The following VIRMA variants were observed in gnomAD, a reference collection of about 807,000 sequenced individuals.
VIRMA encodes the protein protein virilizer homolog.
Under a neutral mutation model 182.4 loss-of-function variants are expected in VIRMA, and 65 were observed. The ratio of observed to expected loss-of-function variants is 0.36; its 90% CI spans 0.29 to 0.44. VIRMA has a LOEUF of 0.44. VIRMA is among the 20% of genes least tolerant of loss of function. The pLI is 1.00. For synonymous variants in VIRMA, 709 were observed against 743.1 expected, an observed-to-expected ratio of 0.95 and a Z score of 0.75; for missense variants, 1,752 against 2,158.1, an observed-to-expected ratio of 0.81 and a Z score of 3.73.
intron 16 of VIRMA, among the ~76,000 whole-genome samples, chr8:94,502,399 C>T (rs1290039630): frequency 1.3e-5 from 2 of 151,246 alleles, no homozygotes; most frequent in Non-Finnish European, 2.9e-5. Context: ...TTCTCAAAAA[C>T]ATATATATAA....
chr8:94,511,097 AG>A, intron 13 of VIRMA, 87 bp downstream of exon 13: 1 of 1,512,196 alleles, frequency 6.6e-7, no homozygotes, highest in East Asian at 2.4e-5. Flanking sequence ...AAGGGAGATG[AG>A]GGTTTTTGTT....
At chr8:94,520,381 G>C (rs1814720497) in intron 8 of VIRMA, among the ~76,000 whole-genome samples, 1 of 151,988 alleles carries the variant, frequency 6.6e-6, no homozygotes, top group African/African-American at 2.4e-5. Flanking sequence ...TGTAGTCCCA[G>C]CTACTTGGGA....
chr8:94,537,027 T>C, intron 4 of VIRMA, 76 bp downstream of exon 4: 1 of 966,164 alleles, frequency 1.0e-6, no homozygotes. Flanking sequence ...CAACACTGAT[T>C]TATGTGGATC....
chr8:94,517,841 G>T lies in VIRMA; in HGVS notation c.2615C>A (p.Ala872Glu), dbSNP rs1255573469. ...SSDVQMLEQH[A>E]ASLLKLCKAD... ...TTTACAAAGCTTCAAGAGAGATGCT[G>T]CATGTTGTTCTAGCATTTGAACATC... Residue 872 changes from alanine (A) to glutamate (E), a missense_variant, in exon 10 of 24, where the codon GCA becomes GAA. Around this residue, in one of 11 missense-constraint regions of VIRMA, gnomAD observed 777 missense variants for 920.6 expected, o/e 0.84. Coordinates refer to ENST00000297591, the MANE Select transcript of VIRMA (RefSeq NM_015496.5). The T allele has an allele frequency of 1.2e-6, 2 of 1,612,020 alleles. No individual in the cohort carries two copies. The highest frequency in any genetic ancestry group is 1.7e-6 in the Non-Finnish European group (2 of 1,178,676).
chr8:94,490,927 G>A (rs1207941588), intron 22 of VIRMA, among the ~76,000 whole-genome samples: 1 of 151,936 alleles, frequency 6.6e-6, no homozygotes, highest in African/African-American at 2.4e-5. Flanking sequence ...GATCAATGGT[G>A]AACTGCACAG....
chr8:94,507,893 G>GTATATATATGTA (rs1563461459), intron 15 of VIRMA, among the ~76,000 whole-genome samples: 5 of 140,426 alleles, frequency 3.6e-5, no homozygotes, highest in South Asian at 4.3e-4. Context: ...ATGTATATAT[G>GTATATATATGTA]TATATATATG....
In VIRMA at chr8:94,494,961, A is replaced by T; in HGVS notation, c.4545-5T>A. The T allele has an allele frequency of 3.2e-6, 5 of 1,579,216 alleles. No individual in the cohort carries two copies. The highest frequency in any genetic ancestry group is 4.3e-6 in the Non-Finnish European group (5 of 1,153,536). ...TCAGCAAGCACATAGGCAGTCCTGG[A>T]ACAAGAAAAGTATCTGGTGAAAAGC... is the stretch of plus-strand genomic sequence containing the variant. On this transcript the variant is annotated splice_region_variant and splice_polypyrimidine_tract_variant and intron_variant, in intron 19 of 23. Coordinates refer to ENST00000297591, the MANE Select transcript of VIRMA (RefSeq NM_015496.5).
chr8:94,553,296 G>T, intron 1 of VIRMA, 89 bp downstream of exon 1: 1 of 1,291,822 alleles, frequency 7.7e-7, no homozygotes, highest in Non-Finnish European at 1.1e-6. Flanking sequence ...GAAGCAATCT[G>T]CAGAAGGAAA....
In VIRMA at chr8:94,526,800, C is replaced by A; in HGVS notation, c.1444G>T (p.Val482Leu). ...AGAAGTTCAAATAATCCACTGATCACTCCTGCTTGTAGCAGTCCTGTAACT... is the reference window on the plus strand; with the variant it reads ...AGAAGTTCAAATAATCCACTGATCAATCCTGCTTGTAGCAGTCCTGTAACT... ...QGVTGLLQAG[V>L]ISGLFELLFA... The change falls in exon 8 of 24, where the codon GTG (valine) becomes TTG (leucine). Residue 482 changes from valine to leucine, a missense_variant. Val to Leu is a conservative substitution (Grantham distance 32). Coordinates refer to ENST00000297591, the MANE Select transcript of VIRMA (RefSeq NM_015496.5). 1 of 1,614,156 alleles carries A rather than the reference C, an allele frequency of 6.2e-7. No homozygotes were observed.
intron 22 of VIRMA, among the ~76,000 whole-genome samples, chr8:94,491,363 T>C (rs187803013): frequency 1.9e-4 from 29 of 152,014 alleles, no homozygotes; most frequent in Admixed American, 9.8e-4. Flanking sequence ...CTAAACTCAT[T>C]ATTAAAAGTA....
chr8:94,536,707 C>T (rs1222397175), intron 4 of VIRMA, among the ~76,000 whole-genome samples: 6 of 152,102 alleles, frequency 3.9e-5, no homozygotes, highest in Non-Finnish European at 8.8e-5. Flanking sequence ...GAGCTGGGCG[C>T]GGTGGCTCAC....
rs1814373717 is a variant in VIRMA, at chr8:94,511,508, C to G, written c.3067G>C (p.Gly1023Arg). The change falls in exon 13 of 24, where the codon GGT becomes CGT. Residue 1023 changes from glycine (G) to arginine (R), a missense_variant. Physicochemically the swap from Gly to Arg is moderately radical, Grantham distance 125. Transcript: ENST00000297591. ...LKTMLTELLR[G>R]GSFEFKDMRV... is the part of the protein sequence containing the mutation. Reference sequence around the variant, plus strand: ...ATGTCCTTAAACTCAAAGGATCCACCTCTCAGGAGTTCCGTTAACATAGTT... The same window carrying G: ...ATGTCCTTAAACTCAAAGGATCCACGTCTCAGGAGTTCCGTTAACATAGTT... 2.5e-6 allele frequency: 4 copies of G among 1,614,140 alleles called. No homozygotes were observed. Among genetic ancestry groups the G allele is most frequent in the Non-Finnish European group, 3.4e-6 (4 of 1,180,018 alleles).
At position 94,529,086 on chromosome 8, in the gene VIRMA, C is replaced by T; in HGVS notation, c.864G>A (p.Glu288=). ...EEEDEEEEGE[E]DEEGEGDDGY... is the part of the protein sequence containing the mutation. The stretch of plus-strand genomic sequence containing the variant: ...ATAACCCACCTTCACCTTCTTCATC[C>T]TCTTCACCTTCTTCCTCTTCATCTT... The change falls in exon 7 of 24, where the codon GAG becomes GAA. Residue 288 remains glutamate (E), a synonymous_variant. Transcript: ENST00000297591. The T allele has an allele frequency of 1.9e-6, 3 of 1,597,004 alleles. No individual in the cohort carries two copies. The highest frequency in any genetic ancestry group is 8.6e-7 in the Non-Finnish European group (1 of 1,164,620).
intron 1 of VIRMA, among the ~76,000 whole-genome samples, chr8:94,549,282 C>T (rs1444643869): frequency 1.3e-5 from 2 of 152,234 alleles, no homozygotes; most frequent in Middle Eastern, 3.4e-3. Context: ...ATAAAGATTC[C>T]CTGTGTGAAA....
At position 94,526,322 on chromosome 8, in the gene VIRMA, G is replaced by A; in HGVS notation, c.1922C>T (p.Ala641Val). The A allele has an allele frequency of 6.2e-7, 1 of 1,613,708 alleles. No individual in the cohort carries two copies. Among genetic ancestry groups the A allele is most frequent in the South Asian group, 1.1e-5 (1 of 91,074 alleles). The change falls in exon 8 of 24, where the codon GCC (alanine) becomes GTC (valine). Residue 641 changes from alanine to valine, a missense_variant. This residue lies in a region of VIRMA where 401 missense variants were observed against 455.1 expected (regional missense o/e 0.88). Transcript: ENST00000297591. The part of the protein sequence containing the change: ...LEEVFHLMET[A>V]PHTMIQQPVK... ...AGGTTGTTGGATCATTGTATGAGGG[G>A]CAGTTTCCATTAAATGAAAAACTTC...
At position 94,489,961 on chromosome 8, in the gene VIRMA, T is replaced by C. The variant is rs1262226307; in HGVS notation, c.5262A>G (p.Pro1754=). Residue 1754 remains proline (P), a synonymous_variant, in exon 23 of 24, where the codon CCA becomes CCG. Coordinates refer to ENST00000297591, the MANE Select transcript of VIRMA (RefSeq NM_015496.5). ...TACCTGTAGAACTAAGGGGTCGTAA[T>C]GGTGGAAGAGGGCCTCTGTTAAAAT... ...QSNFNRGPLP[P]LRPLSSTGYR... 1.9e-6 allele frequency: 3 copies of C among 1,614,072 alleles called. No homozygotes were observed. The highest frequency in any genetic ancestry group is 8.5e-7 in the Non-Finnish European group (1 of 1,180,004).
At position 94,553,452 on chromosome 8, in the gene VIRMA, G is replaced by A. The variant is rs746263803; in HGVS notation, c.-5C>T. On this transcript the variant is annotated 5_prime_UTR_variant, in exon 1 of 24. Transcript: ENST00000297591. ...CATCGCCGAGTCCACCGCCATGTTT[G>A]CCGCGGGCGGGGAACAGGGGGGAGG... The A allele has an allele frequency of 2.3e-5, 37 of 1,614,092 alleles. No individual in the cohort carries two copies. Among genetic ancestry groups the A allele is most frequent in the Non-Finnish European group, 3.1e-5 (36 of 1,179,926 alleles).
intron 10 of VIRMA, among the ~76,000 whole-genome samples, chr8:94,515,491 C>T (rs1343648931): frequency 6.6e-6 from 1 of 152,008 alleles, no homozygotes; most frequent in South Asian, 2.1e-4. Context: ...CCTGCTTCAA[C>T]CTCCAAAGTA....
At position 94,537,140 on chromosome 8, in the gene VIRMA, T is replaced by A. The variant is rs1815372728; in HGVS notation, c.278A>T (p.Asp93Val). 2.5e-6 allele frequency: 4 copies of A among 1,601,994 alleles called. No homozygotes were observed. Among genetic ancestry groups the A allele is most frequent in the Admixed American group, 1.7e-5 (1 of 59,986 alleles). ...TCTAAAGATGATGGAAGTATTCTCA[T>A]CATATTCCAGGCTGTCAAGAGAGTA... ...VFDRLGSLEY[D>V]ENTSIIFRPN... Residue 93 changes from aspartate to valine, a missense_variant, in exon 4 of 24, where the codon GAT becomes GTT. Around this residue, in one of 11 missense-constraint regions of VIRMA, gnomAD observed 195 missense variants for 191.7 expected, o/e 1.02. Coordinates refer to ENST00000297591, the MANE Select transcript of VIRMA (RefSeq NM_015496.5).
Sources: gnomAD v4.1 joint callset for allele counts (sites outside exome capture counted in the v4.1 genomes callset) on GRCh38, gnomAD v4.1.1 for gene constraint, gnomAD v4.1.1 regional missense constraint, MANE v1.5 for transcripts, NCBI Gene and HGNC (gene_info 2026-07-23, HGNC 2026-07-21) for gene names.